Variants in TMEM132B observed in about 807,000 individuals in gnomAD.
TMEM132B encodes the protein transmembrane protein 132B.
A neutral mutation model predicts 90.8 loss-of-function variants in TMEM132B; 18 were observed. The observed-to-expected ratio is 0.20, with a 90% CI of 0.14 to 0.29. The LOEUF (loss-of-function observed/expected upper bound fraction) is 0.29, where lower values mean the gene tolerates loss of function less well. Among genes scored for constraint, TMEM132B ranks in the 10% least tolerant of loss-of-function variants. The pLI, the probability that TMEM132B is intolerant of heterozygous loss-of-function variation, is 1.00. For missense variants in TMEM132B, 1,096 were observed against 1,326.8 expected, an observed-to-expected ratio of 0.83 and a Z score of 2.70; for synonymous variants, 504 against 523.3, an observed-to-expected ratio of 0.96 and a Z score of 0.50.
At chr12:125,234,746 C>T (rs1873895445) in intron 1 of TMEM132B, among the ~76,000 whole-genome samples, 1 of 152,168 alleles carries the variant, frequency 6.6e-6, no homozygotes. Context: ...TCACCAGACA[C>T]CAGGATGCAC....
intron 3 of TMEM132B, among the ~76,000 whole-genome samples, chr12:125,507,449 A>T (rs1419547125): frequency 6.6e-6 from 1 of 152,204 alleles, no homozygotes. Context: ...GGTGATAGGG[A>T]TCGCTCTAGT....
intron 3 of TMEM132B, among the ~76,000 whole-genome samples, chr12:125,495,134 T>C (rs1296643933): frequency 3.2e-5 from 2 of 62,678 alleles, no homozygotes; most frequent in African/African-American, 6.5e-5. Context: ...AAAATGGCCG[T>C]GTCCCTCTTC....
chr12:125,619,516 C>T (rs1886070944), intron 5 of TMEM132B, among the ~76,000 whole-genome samples: 1 of 152,072 alleles, frequency 6.6e-6, no homozygotes, highest in South Asian at 2.1e-4. Context: ...AGGTGTGTGC[C>T]ACCACACCCG....
chr12:125,507,783 A>G (rs1016930452), intron 3 of TMEM132B, among the ~76,000 whole-genome samples: 1 of 152,140 alleles, frequency 6.6e-6, no homozygotes, highest in Non-Finnish European at 1.5e-5. Context: ...TGAGATGAGA[A>G]TTCCTCAAGG....
intron 3 of TMEM132B, among the ~76,000 whole-genome samples, chr12:125,455,615 A>G (rs1224851639): frequency 6.6e-6 from 1 of 150,574 alleles, no homozygotes; most frequent in Non-Finnish European, 1.5e-5. Flanking sequence ...AGGTTGTTGG[A>G]CCAGATCATT....
At chr12:125,389,265 G>A (rs1363254634) in intron 2 of TMEM132B, among the ~76,000 whole-genome samples, 1 of 151,956 alleles carries the variant, frequency 6.6e-6, no homozygotes, top group Non-Finnish European at 1.5e-5. Flanking sequence ...AAGCATAATG[G>A]GACATGAAGA....
rs1354581428 is a variant in TMEM132B, at chr12:125,462,496, A to G, written c.1106+46819A>G. ...TATGAGAAATGCCATGAAAAAGAGA[A>G]ATATTAGGAGGTTAGAGTGTGTAAA... On this transcript the variant is annotated intron_variant, in intron 3 of 8. Coordinates refer to ENST00000682704, the MANE Select transcript of TMEM132B (RefSeq NM_001366854.1). 3.3e-5 allele frequency among the ~76,000 whole-genome samples: 5 copies of G among 152,240 alleles called. No homozygotes were observed. In the South Asian group the frequency reaches 1.0e-3, roughly 32 times the overall value.
intron 3 of TMEM132B, among the ~76,000 whole-genome samples, chr12:125,516,061 A>G (rs1021890232): frequency 6.6e-6 from 1 of 151,592 alleles, no homozygotes; most frequent in Non-Finnish European, 1.5e-5. Context: ...TCTCTCACAT[A>G]TACTCACACA....
At chr12:125,504,831 T>C (rs906661446) in intron 3 of TMEM132B, among the ~76,000 whole-genome samples, 1 of 151,894 alleles carries the variant, frequency 6.6e-6, no homozygotes, top group African/African-American at 2.4e-5. Context: ...CTTACCGGCT[T>C]GAAGAACCAG....
intron 1 of TMEM132B, among the ~76,000 whole-genome samples, chr12:125,212,911 A>G (rs1459542343): frequency 6.6e-6 from 1 of 151,106 alleles, no homozygotes; most frequent in Non-Finnish European, 1.5e-5. Context: ...TTTTTTTTTT[A>G]AGTTTTTCTA....
intron 3 of TMEM132B, among the ~76,000 whole-genome samples, chr12:125,439,319 T>C (rs1880798073): frequency 6.6e-6 from 1 of 152,212 alleles, no homozygotes; most frequent in South Asian, 2.1e-4. Context: ...GTTTTTCCCT[T>C]TGTTTGTGTC....
chr12:125,403,843 C>G (rs767450698), intron 2 of TMEM132B, among the ~76,000 whole-genome samples: 1 of 152,188 alleles, frequency 6.6e-6, no homozygotes, highest in South Asian at 2.1e-4. Context: ...GCTTAGTTGA[C>G]CAGCTAAGCC....
chr12:125,207,484 A>C (rs1873209006), intron 1 of TMEM132B, among the ~76,000 whole-genome samples: 1 of 152,222 alleles, frequency 6.6e-6, no homozygotes, highest in Non-Finnish European at 1.5e-5. Flanking sequence ...CTCTAGCTGC[A>C]CTGTTCAATA....
chr12:125,470,657 G>C (rs372038992), intron 3 of TMEM132B, among the ~76,000 whole-genome samples: 1 of 152,118 alleles, frequency 6.6e-6, no homozygotes, highest in African/African-American at 2.4e-5. Flanking sequence ...AAATAGCAAA[G>C]AAAATTGTAA....
intron 1 of TMEM132B, among the ~76,000 whole-genome samples, chr12:125,200,130 C>CGT (rs1873021572): frequency 6.6e-6 from 1 of 152,068 alleles, no homozygotes; most frequent in Admixed American, 6.5e-5. Context: ...TAATAGAGTT[C>CGT]GTGTGTGTGT....
At chr12:125,611,838 T>G (rs894543725) in intron 5 of TMEM132B, among the ~76,000 whole-genome samples, 10 of 152,194 alleles carry the variant, frequency 6.6e-5, no homozygotes, top group Non-Finnish European at 1.5e-5. Context: ...TGGTCTATAG[T>G]GGAGCATTTT....
chr12:125,502,989 C>G (rs967124090), intron 3 of TMEM132B, among the ~76,000 whole-genome samples: 5 of 152,204 alleles, frequency 3.3e-5, no homozygotes, highest in Admixed American at 1.3e-4. Context: ...TAGAAGCTCA[C>G]AGATCTCAGA....
chr12:125,400,642 G>A (rs972623908), intron 2 of TMEM132B, among the ~76,000 whole-genome samples: 1 of 152,192 alleles, frequency 6.6e-6, no homozygotes, highest in Non-Finnish European at 1.5e-5. Flanking sequence ...GGAGCTCTCA[G>A]CAGAGTCTGA....
At chr12:125,550,305 C>T (rs1314258692) in intron 4 of TMEM132B, among the ~76,000 whole-genome samples, 1 of 152,190 alleles carries the variant, frequency 6.6e-6, no homozygotes, top group African/African-American at 2.4e-5. Context: ...TGGGTACTCT[C>T]CCTCAGCCCT....
Sources: allele counts gnomAD v4.1 joint callset (sites outside exome capture counted in the v4.1 genomes callset), GRCh38; gene constraint gnomAD v4.1.1; transcripts MANE v1.5; gene names NCBI Gene and HGNC (gene_info 2026-07-23, HGNC 2026-07-21).